DISP3: variants seen among roughly 807,000 people sequenced by gnomAD.
The protein encoded by DISP3 is protein dispatched homolog 3.
A neutral mutation model predicts 135.3 loss-of-function variants in DISP3; 101 were observed. That is an observed-to-expected ratio of 0.75 (90% confidence interval 0.64 to 0.88). The LOEUF (loss-of-function observed/expected upper bound fraction) is 0.88, where lower values mean the gene tolerates loss of function less well. Among genes scored for constraint, DISP3 ranks in the 40% least tolerant of loss-of-function variants. DISP3 has a pLI of 0.00. For missense variants in DISP3, 1,713 were observed against 1,878.6 expected (o/e 0.91, Z 1.63); for synonymous variants, 856 against 817.0 (o/e 1.05, Z -0.81).
chr1:11,487,255 C>T (rs142774680), intron 1 of DISP3, among the ~76,000 whole-genome samples: 308 of 152,264 alleles, frequency 2.0e-3, no homozygotes, highest in African/African-American at 7.0e-3. Flanking sequence ...TGCCCTGAGT[C>T]GGAGGAGCCT....
chr1:11,533,059 T>G (rs542451913), intron 17 of DISP3, among the ~76,000 whole-genome samples: 1 of 151,996 alleles, frequency 6.6e-6, no homozygotes, highest in Admixed American at 6.6e-5. Flanking sequence ...CACACTGTTA[T>G]GCAACCATTA....
intron 1 of DISP3, chr1:11,481,801 C>CT (rs1159936582): frequency 2.6e-5 from 4 of 152,186 alleles, no homozygotes; most frequent in Non-Finnish European, 5.9e-5. Flanking sequence ...ATTACCCTAC[C>CT]TTTCCCCTTC....
intron 17 of DISP3, 74 bp from the exon 18 acceptor site, chr1:11,534,307 G>T (rs775721866): frequency 2.6e-6 from 4 of 1,564,882 alleles, no homozygotes; most frequent in Non-Finnish European, 2.6e-6. Flanking sequence ...CCGCAGAACA[G>T]ACCAGCCATG....
At chr1:11,481,063 T>TCTCTCTCTCA (rs111980045) in intron 1 of DISP3, among the ~76,000 whole-genome samples, 51 of 144,844 alleles carry the variant, frequency 3.5e-4, no homozygotes, top group African/African-American at 1.3e-3. Flanking sequence ...TCTCTCTCTC[T>TCTCTCTCTCA]CACACACATA....
chr1:11,535,138 G>T lies in DISP3; in HGVS notation c.3649+14G>T. On this transcript the variant is annotated intron_variant, in intron 19 of 20. Coordinates refer to ENST00000294484, the MANE Select transcript of DISP3 (RefSeq NM_020780.2). The stretch of plus-strand genomic sequence containing the variant: ...TCAGCATCTTGGGTACGTGGGCGAG[G>T]GGCTGGCAGGCACCCTGCTGGTAGG... The T allele has an allele frequency of 6.3e-7, 1 of 1,584,404 alleles. No homozygotes were observed. The highest frequency in any genetic ancestry group is 8.6e-7 in the Non-Finnish European group (1 of 1,165,838).
rs773080673 is a variant in DISP3, at chr1:11,523,953, G to A, written c.2374G>A (p.Glu792Lys). The A allele has an allele frequency of 1.2e-6, 2 of 1,612,638 alleles. No individual in the cohort carries two copies. Among genetic ancestry groups the A allele is most frequent in the South Asian group, 1.1e-5 (1 of 91,024 alleles). ...SCITCSGLFQ[E>K]KPHSLQNNIR... is the part of the protein sequence containing the mutation. ...GCGCTGGGGGGCAGGTCTGTTCCAG[G>A]AGAAGCCCCACAGCCTGCAGAACAA... The change falls in exon 11 of 21, where the codon GAG (glutamate) becomes AAG (lysine). Residue 792 changes from glutamate (E) to lysine (K), a missense_variant. By Grantham distance (56) the Glu-to-Lys change is moderately conservative (BLOSUM62 1). Coordinates refer to ENST00000294484, the MANE Select transcript of DISP3 (RefSeq NM_020780.2).
intron 6 of DISP3, 96 bp from the exon 7 acceptor site, chr1:11,517,367 C>T: frequency 6.6e-7 from 1 of 1,513,726 alleles, no homozygotes; most frequent in Admixed American, 1.7e-5. Flanking sequence ...TGGGCCAGAT[C>T]TGGGGTCCTG....
chr1:11,528,638 A>G (rs1251924608), intron 13 of DISP3, among the ~76,000 whole-genome samples: 1 of 152,164 alleles, frequency 6.6e-6, no homozygotes, highest in African/African-American at 2.4e-5. Flanking sequence ...GTACAAGGCC[A>G]TGCTCGGTGA....
intron 6 of DISP3, 75 bp from the exon 7 acceptor site, chr1:11,517,388 G>A: frequency 6.3e-7 from 1 of 1,579,100 alleles, no homozygotes; most frequent in Non-Finnish European, 8.7e-7. Flanking sequence ...AGTGTCTCTG[G>A]CTGCAGGGGG....
In DISP3 at chr1:11,529,589, C is replaced by A; in HGVS notation, c.2832C>A (p.Pro944=). Reference sequence around the variant, plus strand: ...ACTTCGCCCAGTCCCACAAGCCCCCCTTCCACGGGCGCGTATGCATGGCAC... The same window carrying A: ...ACTTCGCCCAGTCCCACAAGCCCCCATTCCACGGGCGCGTATGCATGGCAC... ...KLYFAQSHKP[P]FHGRVCMAPP... The change falls in exon 14 of 21, where the codon CCC becomes CCA. Residue 944 remains proline (P), a synonymous_variant. Coordinates refer to ENST00000294484, the MANE Select transcript of DISP3 (RefSeq NM_020780.2). The surrounding 1 kb of genome is among the most constrained non-coding windows in gnomAD (Gnocchi z 4.7). 1.3e-6 allele frequency: 2 copies of A among 1,599,154 alleles called. No individual in the cohort carries two copies. The highest frequency in any genetic ancestry group is 1.7e-6 in the Non-Finnish European group (2 of 1,169,610).
chr1:11,505,189 C>T (rs1570097264), intron 3 of DISP3, among the ~76,000 whole-genome samples: 1 of 152,222 alleles, frequency 6.6e-6, no homozygotes, highest in Non-Finnish European at 1.5e-5. Flanking sequence ...TTTGTTTGCA[C>T]ATTTAAGTTT....
At chr1:11,512,398 C>T (rs1462523424) in intron 3 of DISP3, among the ~76,000 whole-genome samples, 1 of 152,156 alleles carries the variant, frequency 6.6e-6, no homozygotes, top group Admixed American at 6.5e-5. Flanking sequence ...CTGCCAGATA[C>T]CCTGAATCAT....
rs770166539 is a variant in DISP3 at position 11,502,686 on chromosome 1, G to A, written c.1105G>A (p.Glu369Lys). 3 of 1,613,890 alleles carry A rather than the reference G, an allele frequency of 1.9e-6. No individual in the cohort carries two copies. Among genetic ancestry groups the A allele is most frequent in the African/African-American group, 1.3e-5 (1 of 75,036 alleles). The change falls in exon 3 of 21, where the codon GAG becomes AAG. Residue 369 changes from glutamate to lysine, a missense_variant. Physicochemically the swap from Glu to Lys is moderately conservative, Grantham distance 56 (BLOSUM62 1). Coordinates refer to ENST00000294484, the MANE Select transcript of DISP3 (RefSeq NM_020780.2). ...CACCCCTGTCCTTGCAGGCTCCCTG[G>A]AGCTGGCCATGACTCACCCTGAGTT... Reference protein sequence around the residue: ...QDLADIRGSLELAMTHPEFYW... With the variant: ...QDLADIRGSLKLAMTHPEFYW...
chr1:11,493,236 G>A (rs1641236069), intron 1 of DISP3, among the ~76,000 whole-genome samples: 2 of 152,194 alleles, frequency 1.3e-5, no homozygotes, highest in African/African-American at 4.8e-5. Context: ...TCTGATAGCT[G>A]GCAGGCTGAA....
chr1:11,526,573 G>C, intron 12 of DISP3, 78 bp from the exon 13 acceptor site: 6 of 1,471,128 alleles, frequency 4.1e-6, no homozygotes, highest in Non-Finnish European at 5.7e-6. Flanking sequence ...AGGAGGGAGG[G>C]GACGGAGCCT....
intron 13 of DISP3, among the ~76,000 whole-genome samples, chr1:11,527,888 C>T (rs999137471): frequency 2.0e-5 from 3 of 152,206 alleles, no homozygotes; most frequent in Non-Finnish European, 4.4e-5. Flanking sequence ...CATCCAGCCT[C>T]TCTCCATACG....
At position 11,531,746 on chromosome 1, in the gene DISP3, G is replaced by T; in HGVS notation, c.3375+36G>T. 1.9e-6 allele frequency: 3 copies of T among 1,560,858 alleles called. No homozygotes were observed. The highest frequency in any genetic ancestry group is 2.3e-4 in the Middle Eastern group (1 of 4,376). On this transcript the variant is annotated intron_variant, in intron 17 of 20. Coordinates refer to ENST00000294484, the MANE Select transcript of DISP3 (RefSeq NM_020780.2). The surrounding 1 kb of genome is among the most constrained non-coding windows in gnomAD (Gnocchi z 5.2). ...GCAGCCTCACTGGGTGCCATGCTGCGTACTTGCCCGGGGTGTGCCACCTCT... is the reference window on the plus strand; with the variant it reads ...GCAGCCTCACTGGGTGCCATGCTGCTTACTTGCCCGGGGTGTGCCACCTCT...
In DISP3 at chr1:11,516,243, C is replaced by A; in HGVS notation, c.1749+82C>A. ...CCGCTGGTCTCTGCCCTTCCCACCA[C>A]CGCTTGAGTGGCCATATAGCCTTCA... On this transcript the variant is annotated intron_variant, in intron 6 of 20. Coordinates refer to ENST00000294484, the MANE Select transcript of DISP3 (RefSeq NM_020780.2). This position sits in a 1 kb window ranked among gnomAD's most constrained non-coding sequence, Gnocchi z 5.1. The A allele has an allele frequency of 6.6e-7, 1 of 1,510,716 alleles. No individual in the cohort carries two copies. The highest frequency in any genetic ancestry group is 2.3e-5 in the East Asian group (1 of 44,054). The allele number at this position is 1,510,716 out of a possible 1,614,324, so 93.6% of individuals were successfully genotyped here.
At chr1:11,509,039 C>A (rs1244018947) in intron 3 of DISP3, among the ~76,000 whole-genome samples, 1 of 152,138 alleles carries the variant, frequency 6.6e-6, no homozygotes, top group African/African-American at 2.4e-5. Context: ...GTGTTTAATG[C>A]TATAAAATTC....
Sources: allele counts gnomAD v4.1 joint callset (sites outside exome capture counted in the v4.1 genomes callset), GRCh38; gene constraint gnomAD v4.1.1; non-coding constraint Gnocchi (gnomAD v3.1); transcripts MANE v1.5; gene names NCBI Gene and HGNC (gene_info 2026-07-23, HGNC 2026-07-21).